Variants in TENM3 observed in about 807,000 individuals in gnomAD.
TENM3 encodes the protein teneurin transmembrane protein 3.
TENM3 carries 63 observed loss-of-function variants against 255.1 expected under a neutral mutation model. The observed-to-expected ratio is 0.25, with a 90% confidence interval of 0.20 to 0.30. TENM3 has a LOEUF of 0.30. Ranked by LOEUF, TENM3 falls within the 10% of genes least tolerant of loss-of-function variation. The probability of loss-of-function intolerance (pLI) is 1.00; values close to 1 mark genes in which losing one functional copy is unlikely to be tolerated. For missense variants in TENM3, 2,929 were observed against 3,461.1 expected (o/e 0.85, Z 3.86); for synonymous variants, 1,306 against 1,322.3 (o/e 0.99, Z 0.27).
chr4:181,849,934 C>CTG, the TENM3 span, among the ~76,000 whole-genome samples: 1 of 57,740 alleles, frequency 1.7e-5, no homozygotes, highest in Admixed American at 2.5e-4. Context: ...CTCTCTTTCT[C>CTG]TCTCTCTCTC....
chr4:181,548,258 C>T, the TENM3 span, among the ~76,000 whole-genome samples: 2 of 152,154 alleles, frequency 1.3e-5, no homozygotes, highest in South Asian at 4.1e-4. Flanking sequence ...TGTGGCGATC[C>T]CTCAGGAATC....
chr4:182,384,311 G>GTT (rs10638816), intron 3 of TENM3, among the ~76,000 whole-genome samples: 106,730 of 147,780 alleles, frequency 0.72, 40,011 homozygotes, highest in Non-Finnish European at 0.84. Context: ...CTGTGGTTCA[G>GTT]TTTTTTTTTT....
At chr4:181,814,069 G>A in the TENM3 span, among the ~76,000 whole-genome samples, 4 of 152,028 alleles carry the variant, frequency 2.6e-5, no homozygotes, top group Admixed American at 1.3e-4. Context: ...CACTATCTAC[G>A]CATAAAAGAA....
the TENM3 span, among the ~76,000 whole-genome samples, chr4:182,062,126 C>T: frequency 6.6e-6 from 1 of 152,068 alleles, no homozygotes; most frequent in Admixed American, 6.5e-5. Context: ...GAGAGTCTAG[C>T]ATAGATTAAG....
At chr4:182,197,326 C>T (rs1053904801) in intron 1 of TENM3, among the ~76,000 whole-genome samples, 7 of 152,128 alleles carry the variant, frequency 4.6e-5, no homozygotes, top group Non-Finnish European at 8.8e-5. Flanking sequence ...GAAAACTATG[C>T]CACGATAACC....
intron 4 of TENM3, among the ~76,000 whole-genome samples, chr4:182,626,685 C>T (rs954579157): frequency 6.6e-6 from 1 of 152,174 alleles, no homozygotes; most frequent in Non-Finnish European, 1.5e-5. Context: ...CTGCCTCCAA[C>T]ATATCACTTA....
chr4:182,283,962 G>C (rs1760565238), intron 1 of TENM3, among the ~76,000 whole-genome samples: 3 of 152,170 alleles, frequency 2.0e-5, no homozygotes, highest in South Asian at 2.1e-4. Context: ...TGGAGCTGTG[G>C]TCTGGGAGAG....
At chr4:181,839,460 CTA>C in the TENM3 span, among the ~76,000 whole-genome samples, 461 of 135,758 alleles carry the variant, frequency 3.4e-3, 4 homozygotes, top group African/African-American at 0.012. Context: ...ATATATATAT[CTA>C]TATATATATA....
the TENM3 span, among the ~76,000 whole-genome samples, chr4:181,682,222 G>A: frequency 6.6e-6 from 1 of 152,170 alleles, no homozygotes; most frequent in Non-Finnish European, 1.5e-5. Flanking sequence ...CCACCGCCAA[G>A]GAGGGTGTTT....
At chr4:182,084,468 C>A in the TENM3 span, among the ~76,000 whole-genome samples, 1 of 152,164 alleles carries the variant, frequency 6.6e-6, no homozygotes, top group African/African-American at 2.4e-5. Flanking sequence ...CTTTGAGAAC[C>A]AGTAGCATTC....
At chr4:182,784,979 G>T (rs149764670) in intron 24 of TENM3, among the ~76,000 whole-genome samples, 4 of 152,038 alleles carry the variant, frequency 2.6e-5, no homozygotes, top group Admixed American at 6.5e-5. Context: ...GGATGAACCC[G>T]GTACCTCAGA....
rs564448928 is a variant in TENM3 at position 182,379,343 on chromosome 4, C to T, written c.511+32414C>T. 9.2e-5 allele frequency among the ~76,000 whole-genome samples: 14 copies of T among 151,912 alleles called. No individual in the cohort carries two copies. The South Asian group carries it at 1.5e-3, about 16-fold the overall frequency. ...CTGCACTCCAGCCTGGGCAATAGAGCGAGACTCCGTCTAAGAAAGAAAAAA... is the reference window on the plus strand; with the variant it reads ...CTGCACTCCAGCCTGGGCAATAGAGTGAGACTCCGTCTAAGAAAGAAAAAA... On this transcript the variant is annotated intron_variant, in intron 3 of 27. Transcript: ENST00000511685.
the TENM3 span, among the ~76,000 whole-genome samples, chr4:181,701,362 T>G: frequency 1.3e-5 from 2 of 152,234 alleles, no homozygotes; most frequent in Non-Finnish European, 2.9e-5. Context: ...AAACATTGTT[T>G]AGCTTGCAGG....
At chr4:182,356,155 A>C (rs1580269294) in intron 3 of TENM3, among the ~76,000 whole-genome samples, 1 of 152,150 alleles carries the variant, frequency 6.6e-6, no homozygotes, top group East Asian at 1.9e-4. Context: ...CAAAAGATTA[A>C]TTGACAAAAG....
chr4:182,400,983 G>C (rs1272396897), intron 3 of TENM3, among the ~76,000 whole-genome samples: 1 of 152,180 alleles, frequency 6.6e-6, no homozygotes, highest in Non-Finnish European at 1.5e-5. Flanking sequence ...ACCCCGTGCT[G>C]CTGGTGCGTA....
chr4:181,462,050 G>A, the TENM3 span, among the ~76,000 whole-genome samples: 6 of 152,132 alleles, frequency 3.9e-5, no homozygotes, highest in South Asian at 2.1e-4. Context: ...GGATTTGACC[G>A]ATTTGCTTTT....
the TENM3 span, among the ~76,000 whole-genome samples, chr4:182,060,958 G>T: frequency 2.6e-5 from 4 of 152,194 alleles, no homozygotes; most frequent in South Asian, 6.2e-4. Context: ...TCTATTTGGG[G>T]GCCAAATATC....
intron 1 of TENM3, among the ~76,000 whole-genome samples, chr4:182,265,074 G>T (rs1324416212): frequency 6.6e-6 from 1 of 151,862 alleles, no homozygotes; most frequent in African/African-American, 2.4e-5. Context: ...CTCCGTTTTG[G>T]GAAAAAACCT....
At chr4:181,831,259 CA>C in the TENM3 span, among the ~76,000 whole-genome samples, 17 of 151,580 alleles carry the variant, frequency 1.1e-4, no homozygotes, top group African/African-American at 4.1e-4. Context: ...TTAAAGATTG[CA>C]AAAAATTTTG....
Sources: gnomAD v4.1 joint callset for allele counts (sites outside exome capture counted in the v4.1 genomes callset) on GRCh38, gnomAD v4.1.1 for gene constraint, MANE v1.5 for transcripts, NCBI Gene and HGNC (gene_info 2026-07-23, HGNC 2026-07-21) for gene names.